KIRREL3: variants seen among roughly 807,000 people sequenced by gnomAD.
KIRREL3 encodes kirre like nephrin family adhesion molecule 3, also known as kin of IRRE-like protein 3.
KIRREL3 carries 36 observed loss-of-function variants against 89.7 expected under a neutral mutation model. The ratio of observed to expected loss-of-function variants is 0.40; its 90% CI spans 0.31 to 0.53. The LOEUF (loss-of-function observed/expected upper bound fraction) is 0.53, where lower values mean the gene tolerates loss of function less well. Among genes scored for constraint, KIRREL3 ranks in the 20% least tolerant of loss-of-function variants. KIRREL3 has a pLI of 0.49. For synonymous variants in KIRREL3, 445 were observed against 441.4 expected (o/e 1.01, Z -0.10); for missense variants, 864 against 1,056.6 (o/e 0.82, Z 2.53).
intron 1 of KIRREL3, among the ~76,000 whole-genome samples, chr11:126,589,691 G>A (rs1488317871): frequency 2.6e-5 from 4 of 152,158 alleles, no homozygotes; most frequent in Admixed American, 6.5e-5. Context: ...TGAGTGATCC[G>A]TGACACAGAT....
At position 126,474,899 on chromosome 11, in the gene KIRREL3, G is replaced by A. The variant is rs1957022127; in HGVS notation, c.434-1433C>T. On this transcript the variant is annotated intron_variant, in intron 4 of 16. Coordinates refer to ENST00000525144, the MANE Select transcript of KIRREL3 (RefSeq NM_032531.4). This position sits in a 1 kb window ranked among gnomAD's most constrained non-coding sequence, Gnocchi z 6.7. ...GGGCCTTTCCCATGCTTGTGCTTGG[G>A]GACACGTTGAGAGTCTCAGGCCTCT... 1.3e-5 allele frequency among the ~76,000 whole-genome samples: 2 copies of A among 152,162 alleles called. No individual in the cohort carries two copies. The highest frequency in any genetic ancestry group is 4.1e-4 in the South Asian group (2 of 4,836).
In KIRREL3 at chr11:126,798,155, G is replaced by T. The variant is rs1950871707; in HGVS notation, c.55+202300C>A. Among the ~76,000 whole-genome samples the T allele has an allele frequency of 2.0e-5, 3 of 148,494 alleles. No individual in the cohort carries two copies. The South Asian group carries it at 6.6e-4, about 33-fold the overall frequency. On this transcript the variant is annotated intron_variant, in intron 1 of 16. Transcript: ENST00000525144. ...GGCAGCATCTGTGCAACCCCCTTCTGCTTCCCTGATTCATGAGCCCCCAAG... is the reference window on the plus strand; with the variant it reads ...GGCAGCATCTGTGCAACCCCCTTCTTCTTCCCTGATTCATGAGCCCCCAAG...
At chr11:126,914,790 A>T (rs1946971321) in intron 1 of KIRREL3, among the ~76,000 whole-genome samples, 1 of 152,276 alleles carries the variant, frequency 6.6e-6, no homozygotes, top group African/African-American at 2.4e-5. Flanking sequence ...CAAGTAACAC[A>T]CATGAGACCT....
chr11:126,681,859 A>G (rs1221377383), intron 1 of KIRREL3: 3 of 455,004 alleles, frequency 6.6e-6, no homozygotes, highest in African/African-American at 6.0e-5. Flanking sequence ...CGGAAGGACA[A>G]GAAGTACTTT....
intron 4 of KIRREL3, among the ~76,000 whole-genome samples, chr11:126,510,328 C>T (rs1958176699): frequency 6.6e-6 from 1 of 152,168 alleles, no homozygotes; most frequent in African/African-American, 2.4e-5. Flanking sequence ...AACTCAGCTT[C>T]TGCTTGAATA....
At chr11:126,927,365 T>A (rs892835512) in intron 1 of KIRREL3, among the ~76,000 whole-genome samples, 10 of 152,264 alleles carry the variant, frequency 6.6e-5, no homozygotes, top group African/African-American at 2.4e-4. Flanking sequence ...TACACACTCA[T>A]ACTTATGTGT....
intron 6 of KIRREL3, among the ~76,000 whole-genome samples, chr11:126,457,074 G>C (rs967894158): frequency 3.3e-5 from 5 of 152,126 alleles, no homozygotes; most frequent in Non-Finnish European, 5.9e-5. Flanking sequence ...GAGAGAAAGA[G>C]GCAGGGAGAC....
At chr11:126,499,217 G>C (rs1266556537) in intron 4 of KIRREL3, among the ~76,000 whole-genome samples, 1 of 151,074 alleles carries the variant, frequency 6.6e-6, no homozygotes, top group African/African-American at 2.4e-5. Flanking sequence ...AATCGTCATT[G>C]CATTGAATGG....
chr11:126,889,022 G>A (rs1945804282), intron 1 of KIRREL3, among the ~76,000 whole-genome samples: 1 of 152,098 alleles, frequency 6.6e-6, no homozygotes. Flanking sequence ...TTACCCAAGG[G>A]GTGTGCCTGT....
rs578009159 is a variant in KIRREL3 at position 126,854,087 on chromosome 11, TG to T, written c.55+146367del. 7.9e-5 allele frequency among the ~76,000 whole-genome samples: 12 copies of T among 151,726 alleles called. No homozygotes were observed. The South Asian group carries it at 2.3e-3, about 29-fold the overall frequency. ...TTCTTTTTAGTAAAAACAAAGCTCC[TG>T]TTAACATATGGCCTAAACTCTTCCA... On this transcript the variant is annotated intron_variant, in intron 1 of 16. Transcript: ENST00000525144.
chr11:126,456,780 G>A (rs1205534389), intron 6 of KIRREL3, among the ~76,000 whole-genome samples: 2 of 152,196 alleles, frequency 1.3e-5, no homozygotes, highest in African/African-American at 4.8e-5. Context: ...GGTGGGAAGA[G>A]GGGTGCAGGG....
rs1949893252 is a variant in KIRREL3, at chr11:126,987,244, A to C, written c.55+13211T>G. On this transcript the variant is annotated intron_variant, in intron 1 of 16. Coordinates refer to ENST00000525144, the MANE Select transcript of KIRREL3 (RefSeq NM_032531.4). This position sits in a 1 kb window ranked among gnomAD's most constrained non-coding sequence, Gnocchi z 4.6. ...ACTGACCCACAAAGATTCCTTTTCC[A>C]TTGCAATTGTGAGTGAGCAAATCTA... Among the ~76,000 whole-genome samples the C allele has an allele frequency of 6.6e-6, 1 of 152,198 alleles. No individual in the cohort carries two copies. The highest frequency in any genetic ancestry group is 2.4e-5 in the African/African-American group (1 of 41,442).
chr11:126,921,437 A>ATCTG (rs1947280498), intron 1 of KIRREL3, among the ~76,000 whole-genome samples: 1 of 134,688 alleles, frequency 7.4e-6, no homozygotes, highest in African/African-American at 2.8e-5. Flanking sequence ...CTATCTATCT[A>ATCTG]TCTATCTATC....
rs1267972750 is a variant in KIRREL3, at chr11:126,647,849, A to G, written c.56-84937T>C. On this transcript the variant is annotated intron_variant, in intron 1 of 16. Coordinates refer to ENST00000525144, the MANE Select transcript of KIRREL3 (RefSeq NM_032531.4). This position sits in a 1 kb window ranked among gnomAD's most constrained non-coding sequence, Gnocchi z 4.9. ...GAGCATTCCATCTCACTGAGAATGA[A>G]AGCCAACACCCTCTCCATGACTCAT... Among the ~76,000 whole-genome samples the G allele has an allele frequency of 1.3e-5, 2 of 152,180 alleles. No individual in the cohort carries two copies. The highest frequency in any genetic ancestry group is 2.9e-5 in the Non-Finnish European group (2 of 68,032).
intron 1 of KIRREL3, among the ~76,000 whole-genome samples, chr11:126,572,424 A>G (rs185164646): frequency 3.7e-4 from 56 of 152,330 alleles, no homozygotes; most frequent in African/African-American, 1.3e-3. Flanking sequence ...TCCTAAAGTC[A>G]CACAACTGGG....
intron 4 of KIRREL3, among the ~76,000 whole-genome samples, chr11:126,506,484 A>G (rs979320697): frequency 5.3e-5 from 8 of 152,256 alleles, no homozygotes; most frequent in African/African-American, 1.9e-4. Context: ...ATGGATAATT[A>G]TCACATCAAA....
chr11:126,913,487 CAG>C (rs1326166742), intron 1 of KIRREL3, among the ~76,000 whole-genome samples: 2 of 152,186 alleles, frequency 1.3e-5, no homozygotes, highest in African/African-American at 2.4e-5. Context: ...ACTGTAAACG[CAG>C]AGTGTCTTGC....
chr11:126,540,023 G>A lies in KIRREL3; in HGVS notation c.134-13336C>T, dbSNP rs149804475. Among the ~76,000 whole-genome samples the A allele has an allele frequency of 5.4e-3, 821 of 152,296 alleles. 31 individuals carry two copies. The highest frequency in any genetic ancestry group is 0.051 in the Admixed American group (776 of 15,300). On this transcript the variant is annotated intron_variant, in intron 2 of 16. Coordinates refer to ENST00000525144, the MANE Select transcript of KIRREL3 (RefSeq NM_032531.4). The stretch of plus-strand genomic sequence containing the variant: ...GTTTGCACAGGTTTTGAACCATATC[G>A]GGATGGCAAGAGATCATCTAACCTA...
rs78692957 is a variant in KIRREL3 at position 126,642,826 on chromosome 11, C to T, written c.56-79914G>A. On this transcript the variant is annotated intron_variant, in intron 1 of 16. Coordinates refer to ENST00000525144, the MANE Select transcript of KIRREL3 (RefSeq NM_032531.4). The surrounding 1 kb of genome is among the most constrained non-coding windows in gnomAD (Gnocchi z 4.9). The stretch of plus-strand genomic sequence containing the variant: ...GATTTTGTATGTGCAAAATTCTGAA[C>T]TGTACATCCAGTTGAACAAAGTAAA... Among the ~76,000 whole-genome samples, 476 of 152,318 alleles carry T rather than the reference C, an allele frequency of 3.1e-3. 1 individual carries two copies. Among genetic ancestry groups the T allele is most frequent in the East Asian group, 0.025 (127 of 5,176 alleles).
Sources: allele counts gnomAD v4.1 joint callset (sites outside exome capture counted in the v4.1 genomes callset), GRCh38; gene constraint gnomAD v4.1.1; non-coding constraint Gnocchi (gnomAD v3.1); transcripts MANE v1.5; gene names NCBI Gene and HGNC (gene_info 2026-07-23, HGNC 2026-07-21).